Variants in INPP4B observed in about 807,000 individuals in gnomAD.
INPP4B encodes inositol polyphosphate 4-phosphatase type II.
INPP4B carries 55 observed loss-of-function variants against 122.5 expected under a neutral mutation model. The ratio of observed to expected loss-of-function variants is 0.45; its 90% CI spans 0.36 to 0.56. The LOEUF is 0.56. Among genes scored for constraint, INPP4B ranks in the 20% least tolerant of loss-of-function variants. INPP4B has a pLI of 0.00. For synonymous variants in INPP4B, 403 were observed against 388.7 expected, an observed-to-expected ratio of 1.04 and a Z score of -0.43; for missense variants, 1,000 against 1,097.7, an observed-to-expected ratio of 0.91 and a Z score of 1.26.
intron 3 of INPP4B, among the ~76,000 whole-genome samples, chr4:142,454,398 T>A (rs1229768056): frequency 6.6e-6 from 1 of 152,100 alleles, no homozygotes; most frequent in East Asian, 1.9e-4. Context: ...CCCCTGAATG[T>A]GTTTACTACT....
intron 12 of INPP4B, among the ~76,000 whole-genome samples, chr4:142,215,808 G>A (rs1165042640): frequency 1.4e-5 from 2 of 144,620 alleles, no homozygotes; most frequent in African/African-American, 5.0e-5. Flanking sequence ...CGGGAGAATG[G>A]TGTGAACCCA....
intron 23 of INPP4B, among the ~76,000 whole-genome samples, chr4:142,092,106 G>A (rs910080756): frequency 6.6e-6 from 1 of 152,192 alleles, no homozygotes; most frequent in Non-Finnish European, 1.5e-5. Flanking sequence ...GGATATGCAA[G>A]TGGCCTGTGC....
chr4:142,229,518 GTATAA>G (rs1853208093), intron 12 of INPP4B, among the ~76,000 whole-genome samples: 1 of 152,120 alleles, frequency 6.6e-6, no homozygotes. Context: ...GGTGAATGGT[GTATAA>G]GAAATCTAAA....
intron 2 of INPP4B, among the ~76,000 whole-genome samples, chr4:142,517,328 T>C (rs528731414): frequency 2.6e-5 from 4 of 152,180 alleles, no homozygotes; most frequent in Admixed American, 6.6e-5. Flanking sequence ...GAGTTATTCA[T>C]GTTGGGTGTT....
rs372970649 is a variant in INPP4B at position 142,152,282 on chromosome 4, A to G, written c.1564-6286T>C. Among the ~76,000 whole-genome samples the G allele has an allele frequency of 9.0e-3, 1,358 of 151,582 alleles. 10 individuals carry two copies. The highest frequency in any genetic ancestry group is 0.016 in the Non-Finnish European group (1,067 of 67,848). Reference sequence around the variant, plus strand: ...AGTAGAGACGGAGTTTCACCGTGTTAGCCAGGATGGTCTCGATCTCCTGAG... The same window carrying G: ...AGTAGAGACGGAGTTTCACCGTGTTGGCCAGGATGGTCTCGATCTCCTGAG... On this transcript the variant is annotated intron_variant, in intron 17 of 25. Coordinates refer to ENST00000262992, the MANE Select transcript of INPP4B (RefSeq NM_001101669.3).
At chr4:142,666,293 T>A (rs1560939615) in intron 2 of INPP4B, among the ~76,000 whole-genome samples, 1 of 152,128 alleles carries the variant, frequency 6.6e-6, no homozygotes. Flanking sequence ...AATGTATATA[T>A]AATTTTAGAT....
chr4:142,680,022 T>A (rs1308750174), intron 2 of INPP4B, among the ~76,000 whole-genome samples: 1 of 151,862 alleles, frequency 6.6e-6, no homozygotes, highest in Non-Finnish European at 1.5e-5. Flanking sequence ...CCATTTTATT[T>A]TCAGCAATGG....
chr4:142,449,649 G>A (rs1224075338), intron 3 of INPP4B, among the ~76,000 whole-genome samples: 1 of 151,306 alleles, frequency 6.6e-6, no homozygotes, highest in Non-Finnish European at 1.5e-5. Context: ...GCAATGAGTC[G>A]AGATCGTGCC....
intron 2 of INPP4B, among the ~76,000 whole-genome samples, chr4:142,524,213 G>C (rs2149943649): frequency 6.6e-6 from 1 of 152,212 alleles, no homozygotes; most frequent in East Asian, 1.9e-4. Context: ...TCTAGTTCTA[G>C]ATCCTGAGGA....
At chr4:142,377,049 T>TC (rs1252665864) in intron 7 of INPP4B, among the ~76,000 whole-genome samples, 3 of 151,980 alleles carry the variant, frequency 2.0e-5, no homozygotes, top group Non-Finnish European at 4.4e-5. Flanking sequence ...CCACTTATAC[T>TC]CCTATTTGAT....
intron 8 of INPP4B, among the ~76,000 whole-genome samples, chr4:142,313,744 C>G (rs2151306983): frequency 6.6e-6 from 1 of 152,294 alleles, no homozygotes; most frequent in Non-Finnish European, 1.5e-5. Flanking sequence ...AGCAGTTACT[C>G]AACTAGTCCC....
At chr4:142,067,100 G>C (rs1763956833) in intron 25 of INPP4B, among the ~76,000 whole-genome samples, 1 of 152,150 alleles carries the variant, frequency 6.6e-6, no homozygotes. Flanking sequence ...ACCTCATACA[G>C]CTGGGTGCCC....
intron 2 of INPP4B, among the ~76,000 whole-genome samples, chr4:142,674,953 G>T (rs914784557): frequency 6.6e-6 from 1 of 152,020 alleles, no homozygotes. Context: ...AAGAACTAGA[G>T]AAGCAAGAGC....
chr4:142,254,374 G>C lies in INPP4B; in HGVS notation c.688+6118C>G, dbSNP rs188428741. On this transcript the variant is annotated intron_variant, in intron 11 of 25. Transcript: ENST00000262992. ...ATGGAGAATGACTTTCACGAGCTGA[G>C]AGAAGAAGGCTTCAGATGATCAAAT... Among the ~76,000 whole-genome samples the C allele has an allele frequency of 5.0e-3, 685 of 137,750 alleles. 8 individuals carry two copies. Among genetic ancestry groups the C allele is most frequent in the African/African-American group, 0.017 (650 of 38,788 alleles). 90.4% of individuals were successfully genotyped at this position (137,750 alleles called of 152,430 possible).
intron 12 of INPP4B, among the ~76,000 whole-genome samples, chr4:142,210,974 C>T (rs1183059685): frequency 6.6e-6 from 1 of 152,112 alleles, no homozygotes; most frequent in Non-Finnish European, 1.5e-5. Flanking sequence ...GCTGTGAGGA[C>T]TCCATAACTT....
chr4:142,478,140 T>C (rs958705638), intron 2 of INPP4B, among the ~76,000 whole-genome samples: 2 of 152,190 alleles, frequency 1.3e-5, no homozygotes, highest in African/African-American at 2.4e-5. Context: ...TATTCTAAAA[T>C]GTAGCTAAGT....
chr4:142,592,725 C>T (rs933744249), intron 2 of INPP4B, among the ~76,000 whole-genome samples: 2 of 152,082 alleles, frequency 1.3e-5, no homozygotes, highest in Non-Finnish European at 2.9e-5. Flanking sequence ...GTAATTCAAG[C>T]CTTTTTCAGG....
At chr4:142,103,118 G>A (rs577469666) in intron 23 of INPP4B, among the ~76,000 whole-genome samples, 6 of 152,042 alleles carry the variant, frequency 3.9e-5, no homozygotes, top group South Asian at 2.1e-4. Context: ...ATTAAATGCC[G>A]TTAATGAGTC....
At chr4:142,665,554 T>C (rs973642079) in intron 2 of INPP4B, among the ~76,000 whole-genome samples, 1 of 144,364 alleles carries the variant, frequency 6.9e-6, no homozygotes, top group African/African-American at 2.5e-5. Flanking sequence ...TCCAAAGAAA[T>C]AATGATTGAT....
Sources: gnomAD v4.1 joint callset for allele counts (sites outside exome capture counted in the v4.1 genomes callset) on GRCh38, gnomAD v4.1.1 for gene constraint, MANE v1.5 for transcripts, NCBI Gene and HGNC (gene_info 2026-07-23, HGNC 2026-07-21) for gene names.